Variants in SND1 observed in about 807,000 individuals in gnomAD.
SND1 encodes staphylococcal nuclease domain-containing protein 1.
A neutral mutation model predicts 121.7 loss-of-function variants in SND1; 38 were observed. The observed-to-expected ratio is 0.31, with a 90% CI of 0.24 to 0.41. SND1 has a LOEUF of 0.41. Ranked by LOEUF, SND1 falls within the 10% of genes least tolerant of loss-of-function variation. The pLI, the probability that SND1 is intolerant of heterozygous loss-of-function variation, is 1.00. For missense variants in SND1, 868 were observed against 1,184.6 expected (o/e 0.73, Z 3.92); for synonymous variants, 401 against 447.4 (o/e 0.90, Z 1.31).
At chr7:127,895,404 C>T (rs140567459) in intron 13 of SND1, among the ~76,000 whole-genome samples, 3 of 152,182 alleles carry the variant, frequency 2.0e-5, no homozygotes, top group Admixed American at 1.3e-4. Flanking sequence ...CATGCCAGTA[C>T]AGGTTGAAAG....
intron 10 of SND1, among the ~76,000 whole-genome samples, chr7:127,805,037 C>T (rs1217158834): frequency 3.9e-5 from 6 of 152,132 alleles, no homozygotes; most frequent in Non-Finnish European, 8.8e-5. Context: ...AGCATTCTTA[C>T]GTATGATTGA....
chr7:127,666,241 T>G (rs979770265), intron 1 of SND1, among the ~76,000 whole-genome samples: 1 of 152,214 alleles, frequency 6.6e-6, no homozygotes, highest in Non-Finnish European at 1.5e-5. Context: ...GCCATTATAT[T>G]ACAAGTAAGG....
chr7:127,845,397 T>C (rs1191227994), intron 12 of SND1, among the ~76,000 whole-genome samples: 2 of 152,262 alleles, frequency 1.3e-5, no homozygotes, highest in Non-Finnish European at 2.9e-5. Flanking sequence ...CACACAACAA[T>C]TGGAGGTTTC....
intron 11 of SND1, among the ~76,000 whole-genome samples, chr7:127,839,867 A>G (rs1798931698): frequency 6.6e-6 from 1 of 152,144 alleles, no homozygotes; most frequent in Non-Finnish European, 1.5e-5. Context: ...GTTTTAAAAT[A>G]TTGCTCCTCC....
In SND1 at chr7:127,721,308, G is replaced by C. The variant is rs1177355024; in HGVS notation, c.1060G>C (p.Asp354His). ...ACAGGTGATGCAGGTTCTGAATGCT[G>C]ATGCCATTGTTGTGAAGCTGAACTC... ...VAKVMQVLNA[D>H]AIVVKLNSGD... The change falls in exon 10 of 24, where the codon GAT becomes CAT. Residue 354 changes from aspartate to histidine, a missense_variant. By Grantham distance (81) the Asp-to-His change is moderately conservative (BLOSUM62 -1). Transcript: ENST00000354725. 1 of 1,613,630 alleles carries C rather than the reference G, an allele frequency of 6.2e-7. No homozygotes were observed.
chr7:127,794,107 G>A (rs1490966799), intron 10 of SND1, among the ~76,000 whole-genome samples: 1 of 152,182 alleles, frequency 6.6e-6, no homozygotes, highest in Non-Finnish European at 1.5e-5. Flanking sequence ...AGACTGTAAA[G>A]TAAAAGAAAG....
At chr7:127,721,994 A>G (rs1008813118) in intron 10 of SND1, among the ~76,000 whole-genome samples, 4 of 152,176 alleles carry the variant, frequency 2.6e-5, no homozygotes, top group African/African-American at 9.7e-5. Flanking sequence ...AACTCTAACA[A>G]GAGCTGGTAT....
At position 127,946,304 on chromosome 7, in the gene SND1, G is replaced by T. The variant is rs1259202205; in HGVS notation, c.1669+16975G>T. On this transcript the variant is annotated intron_variant, in intron 15 of 23. Transcript: ENST00000354725. ...CTGTGGGATGGGTTTATGAGCTGGG[G>T]CATTTATGGATAAATTAAACTTTAG... 2.0e-5 allele frequency among the ~76,000 whole-genome samples: 3 copies of T among 152,182 alleles called. No homozygotes were observed. The East Asian group carries it at 5.8e-4, about 29-fold the overall frequency.
At chr7:127,747,760 G>A (rs1797007699) in intron 10 of SND1, among the ~76,000 whole-genome samples, 1 of 152,126 alleles carries the variant, frequency 6.6e-6, no homozygotes, top group African/African-American at 2.4e-5. Context: ...CAGTGCTTTA[G>A]CTAAAGGTGA....
rs144348992 is a variant in SND1 at position 127,892,308 on chromosome 7, C to T, written c.1454+4296C>T. Among the ~76,000 whole-genome samples, 19 of 152,120 alleles carry T rather than the reference C, an allele frequency of 1.2e-4. No individual in the cohort carries two copies. In the South Asian group the frequency reaches 1.5e-3, roughly 12 times the overall value. ...TTTCATGGGCGCTCAGGGAGTGATG[C>T]GGTAGGCACTCATTGGGAGACTAGA... On this transcript the variant is annotated intron_variant, in intron 13 of 23. Transcript: ENST00000354725.
At chr7:127,663,076 G>A (rs928385389) in intron 1 of SND1, among the ~76,000 whole-genome samples, 1 of 151,370 alleles carries the variant, frequency 6.6e-6, no homozygotes, top group Admixed American at 6.6e-5. Context: ...TTGTGGAGAC[G>A]GGGTCTCCCT....
intron 12 of SND1, among the ~76,000 whole-genome samples, chr7:127,872,124 GTGTCTCAAAAAGAAAACTCA>G (rs1563042715): frequency 6.6e-6 from 1 of 152,110 alleles, no homozygotes; most frequent in Non-Finnish European, 1.5e-5. Flanking sequence ...AAGTGAGACC[GTGTCTCAAAAAGAAAACTCA>G]TTATAATATG....
intron 12 of SND1, among the ~76,000 whole-genome samples, chr7:127,881,682 C>T (rs530468885): frequency 2.5e-4 from 38 of 152,264 alleles, no homozygotes; most frequent in Admixed American, 2.4e-3. Flanking sequence ...TCGCTCTGCC[C>T]CTTCATGGTT....
chr7:127,790,258 A>G (rs142754889), intron 10 of SND1, among the ~76,000 whole-genome samples: 22 of 152,230 alleles, frequency 1.4e-4, no homozygotes, highest in Non-Finnish European at 2.6e-4. Flanking sequence ...GTCACCTTGT[A>G]CATACCTCTG....
intron 10 of SND1, among the ~76,000 whole-genome samples, chr7:127,728,821 A>G (rs920915743): frequency 6.6e-6 from 1 of 152,210 alleles, no homozygotes; most frequent in Non-Finnish European, 1.5e-5. Flanking sequence ...CTCCCAATCC[A>G]TGGCTAACCC....
chr7:127,974,660 G>T (rs1465330249), intron 15 of SND1, among the ~76,000 whole-genome samples: 2 of 152,172 alleles, frequency 1.3e-5, no homozygotes, highest in African/African-American at 4.8e-5. Context: ...GGCATGAACA[G>T]CTGTCTGCTA....
intron 16 of SND1, among the ~76,000 whole-genome samples, chr7:128,057,854 A>G (rs1423080220): frequency 6.6e-6 from 1 of 152,208 alleles, no homozygotes; most frequent in Non-Finnish European, 1.5e-5. Flanking sequence ...GTGTTGAGGG[A>G]ACACAGAGAT....
At chr7:127,841,919 G>C (rs2116643701) in intron 11 of SND1, among the ~76,000 whole-genome samples, 1 of 152,246 alleles carries the variant, frequency 6.6e-6, no homozygotes, top group South Asian at 2.1e-4. Flanking sequence ...GTTGTGCTAT[G>C]ACCATACTTC....
rs565683859 is a variant in SND1, at chr7:127,724,874, C to T, written c.1152+3474C>T. On this transcript the variant is annotated intron_variant, in intron 10 of 23. Transcript: ENST00000354725. ...GATGAAGAGTTAATGTCTTAGGAGA[C>T]GTTAACTCTTTCAGGCTGATGAGTG... 1.8e-4 allele frequency among the ~76,000 whole-genome samples: 28 copies of T among 152,266 alleles called. No homozygotes were observed. In the South Asian group the frequency reaches 4.3e-3, roughly 24 times the overall value.
Sources: allele counts gnomAD v4.1 joint callset (sites outside exome capture counted in the v4.1 genomes callset), GRCh38; gene constraint gnomAD v4.1.1; transcripts MANE v1.5; gene names NCBI Gene and HGNC (gene_info 2026-07-23, HGNC 2026-07-21).